ACTR3C: variants seen among roughly 807,000 people sequenced by gnomAD.
The protein encoded by ACTR3C is actin-related protein 3C.
ACTR3C carries 18 observed loss-of-function variants against 26.3 expected under a neutral mutation model. That is an observed-to-expected ratio of 0.68 (90% CI 0.47 to 1.01). The LOEUF (loss-of-function observed/expected upper bound fraction) is 1.01. Ranked by LOEUF, ACTR3C falls within the 50% of genes least tolerant of loss-of-function variation. The probability of loss-of-function intolerance (pLI) is 0.00; values close to 1 mark genes in which losing one functional copy is unlikely to be tolerated. For missense variants in ACTR3C, 184 were observed against 250.7 expected (o/e 0.73, Z 1.80); for synonymous variants, 55 against 94.5 (o/e 0.58, Z 2.42).
At chr7:150,212,052 C>T in the ACTR3C span, among the ~76,000 whole-genome samples, 1 of 146,970 alleles carries the variant, frequency 6.8e-6, no homozygotes, top group Admixed American at 6.6e-5. Context: ...ATTATGTCTC[C>T]ATAATAGGAA....
chr7:150,209,722 T>TACACACACACACACACAC, the ACTR3C span, among the ~76,000 whole-genome samples: 5 of 129,304 alleles, frequency 3.9e-5, no homozygotes, highest in Admixed American at 4.0e-4. Flanking sequence ...CTACTAAAAA[T>TACACACACACACACACAC]ACACACACAC....
At chr7:150,037,876 G>C in the ACTR3C span, among the ~76,000 whole-genome samples, 9 of 114,312 alleles carry the variant, frequency 7.9e-5, 1 homozygote, top group African/African-American at 2.3e-4. Context: ...GGGGTCCTAA[G>C]AGCAAAGGGG....
chr7:150,074,004 C>T, the ACTR3C span: 5 of 152,276 alleles, frequency 3.3e-5, no homozygotes, highest in East Asian at 1.9e-4. Context: ...GAAGAAGTCA[C>T]GTCCAGGGAT....
the ACTR3C span, among the ~76,000 whole-genome samples, chr7:149,922,884 A>G: frequency 6.6e-6 from 1 of 152,000 alleles, no homozygotes; most frequent in South Asian, 2.1e-4. Flanking sequence ...GTCCTCTGTC[A>G]ATACAGGTCC....
chr7:150,288,588 G>C (rs1835964161), intron 4 of ACTR3C, among the ~76,000 whole-genome samples: 1 of 147,394 alleles, frequency 6.8e-6, no homozygotes, highest in Admixed American at 6.7e-5. Flanking sequence ...GGAGTGGCAA[G>C]GGAGCTTGGA....
chr7:150,121,753 G>C, the ACTR3C span, among the ~76,000 whole-genome samples: 1 of 151,282 alleles, frequency 6.6e-6, no homozygotes, highest in Admixed American at 6.6e-5. Flanking sequence ...ATATGGAACC[G>C]AAAAAAGAGC....
In ACTR3C at chr7:150,265,450, T is replaced by C. The variant is rs559939436; in HGVS notation, c.565-16396A>G. Among the ~76,000 whole-genome samples, 807 of 152,058 alleles carry C rather than the reference T, an allele frequency of 5.3e-3. 6 individuals carry two copies. Among genetic ancestry groups the C allele is most frequent in the African/African-American group, 0.018 (763 of 41,418 alleles). ...GGCTTATGCCTGTAATCTCAGCACT[T>C]TGGGAGGCCGAGGCAGGCGGATCAC... On this transcript the variant is annotated intron_variant, in intron 6 of 7. Coordinates refer to ENST00000683684, the MANE Select transcript of ACTR3C (RefSeq NM_001164458.2).
chr7:149,926,184 A>G, the ACTR3C span, among the ~76,000 whole-genome samples: 1 of 152,234 alleles, frequency 6.6e-6, no homozygotes, highest in Non-Finnish European at 1.5e-5. Context: ...CGATTGCCTA[A>G]AGAAAACAAA....
chr7:150,106,978 A>C, the ACTR3C span, among the ~76,000 whole-genome samples: 1 of 145,646 alleles, frequency 6.9e-6, no homozygotes, highest in Non-Finnish European at 1.5e-5. Context: ...GAAATGAATA[A>C]GATCATTGAG....
chr7:150,018,787 C>A, the ACTR3C span, among the ~76,000 whole-genome samples: 1 of 150,368 alleles, frequency 6.7e-6, no homozygotes, highest in Admixed American at 6.6e-5. Context: ...TTGGGAATAA[C>A]TCAGTTGCTG....
chr7:150,299,409 C>G (rs567747277), intron 1 of ACTR3C, among the ~76,000 whole-genome samples: 315 of 137,938 alleles, frequency 2.3e-3, no homozygotes, highest in Non-Finnish European at 3.5e-3. Context: ...GGCTGTATGA[C>G]TGCACCTGTG....
the ACTR3C span, among the ~76,000 whole-genome samples, chr7:150,037,602 A>C: frequency 7.9e-5 from 5 of 63,128 alleles, no homozygotes; most frequent in Admixed American, 1.7e-4. Flanking sequence ...GGCTCTCAGT[A>C]ATCCCACGTA....
At chr7:150,080,654 G>C in the ACTR3C span, among the ~76,000 whole-genome samples, 3 of 152,026 alleles carry the variant, frequency 2.0e-5, no homozygotes, top group Non-Finnish European at 2.9e-5. Context: ...TAGATGGACA[G>C]TTCTGTGGGC....
intron 1 of ACTR3C, among the ~76,000 whole-genome samples, chr7:150,319,639 C>T (rs1797294021): frequency 6.6e-6 from 1 of 152,246 alleles, no homozygotes; most frequent in Non-Finnish European, 1.5e-5. Flanking sequence ...AGCACTTTGT[C>T]CATCCAATTA....
the ACTR3C span, among the ~76,000 whole-genome samples, chr7:150,208,127 C>T: frequency 6.6e-6 from 1 of 152,128 alleles, no homozygotes. Flanking sequence ...AGGAGAGTCC[C>T]ATTTATCCCG....
At chr7:150,032,649 T>C in the ACTR3C span, among the ~76,000 whole-genome samples, 4 of 151,660 alleles carry the variant, frequency 2.6e-5, no homozygotes, top group Non-Finnish European at 5.9e-5. Context: ...AATCTGAGAG[T>C]TAGGGAGACA....
chr7:149,930,356 T>G, the ACTR3C span, among the ~76,000 whole-genome samples: 4 of 152,212 alleles, frequency 2.6e-5, no homozygotes, highest in Admixed American at 2.0e-4. Flanking sequence ...CAACTTACTC[T>G]CAAACAGTGC....
the ACTR3C span, among the ~76,000 whole-genome samples, chr7:150,006,477 A>C: frequency 6.0e-5 from 9 of 149,568 alleles, no homozygotes; most frequent in Middle Eastern, 3.4e-3. Flanking sequence ...GATTACAGGC[A>C]TGAGCCACCG....
At chr7:150,220,932 C>T in the ACTR3C span, among the ~76,000 whole-genome samples, 2 of 152,294 alleles carry the variant, frequency 1.3e-5, no homozygotes, top group African/African-American at 4.8e-5. Context: ...CCACTCTTGC[C>T]TACAGCTCCT....
Sources: gnomAD v4.1 joint callset for allele counts (sites outside exome capture counted in the v4.1 genomes callset) on GRCh38, gnomAD v4.1.1 for gene constraint, MANE v1.5 for transcripts, NCBI Gene and HGNC (gene_info 2026-07-23, HGNC 2026-07-21) for gene names.